Variants in GRIP1 observed in about 807,000 individuals in gnomAD.
The protein encoded by GRIP1 is glutamate receptor-interacting protein 1.
In GRIP1, 45 loss-of-function variants were observed where a neutral mutation model predicts 129.9. The ratio of observed to expected loss-of-function variants is 0.35; its 90% CI spans 0.27 to 0.44. The LOEUF (loss-of-function observed/expected upper bound fraction) is 0.44, where lower values mean the gene tolerates loss of function less well. Ranked by LOEUF, GRIP1 falls within the 20% of genes least tolerant of loss-of-function variation. The probability of loss-of-function intolerance (pLI) is 1.00; values close to 1 mark genes in which losing one functional copy is unlikely to be tolerated. For missense variants in GRIP1, 1,196 were observed against 1,396.8 expected (o/e 0.86, Z 2.29); for synonymous variants, 530 against 520.8 (o/e 1.02, Z -0.24).
chr12:66,712,900 T>C (rs990751026), intron 1 of GRIP1, among the ~76,000 whole-genome samples: 5 of 152,014 alleles, frequency 3.3e-5, no homozygotes, highest in Non-Finnish European at 5.9e-5. Context: ...GGTGAACTCA[T>C]TGAGGGCAGG....
intron 1 of GRIP1, among the ~76,000 whole-genome samples, chr12:66,669,160 C>T (rs1016486398): frequency 1.3e-5 from 2 of 152,120 alleles, no homozygotes; most frequent in Non-Finnish European, 2.9e-5. Context: ...CACCTGTAAT[C>T]CCAGCACTTT....
intron 1 of GRIP1, among the ~76,000 whole-genome samples, chr12:66,842,230 T>C (rs1265778077): frequency 6.6e-6 from 1 of 152,174 alleles, no homozygotes; most frequent in Admixed American, 6.5e-5. Flanking sequence ...AGTTCTCTTC[T>C]ATACGTAACT....
intron 7 of GRIP1, among the ~76,000 whole-genome samples, chr12:66,506,547 A>G (rs942224185): frequency 6.6e-6 from 1 of 152,198 alleles, no homozygotes; most frequent in African/African-American, 2.4e-5. Flanking sequence ...ATGGGAGAAA[A>G]CACAATGGGG....
intron 2 of GRIP1, among the ~76,000 whole-genome samples, chr12:66,584,558 T>G (rs2063539824): frequency 6.6e-6 from 1 of 151,744 alleles, no homozygotes; most frequent in Non-Finnish European, 1.5e-5. Flanking sequence ...GGGAAATAAA[T>G]AAAATAAAAT....
At chr12:66,848,957 C>T (rs781127916) in intron 1 of GRIP1, among the ~76,000 whole-genome samples, 3 of 152,110 alleles carry the variant, frequency 2.0e-5, no homozygotes, top group Non-Finnish European at 4.4e-5. Flanking sequence ...GTCTCTGAAA[C>T]TTTCTAGGCC....
intron 1 of GRIP1, among the ~76,000 whole-genome samples, chr12:66,663,159 TTA>T (rs369641855): frequency 7.3e-4 from 111 of 152,338 alleles, no homozygotes; most frequent in African/African-American, 2.7e-3. Flanking sequence ...CTATCATTCT[TTA>T]TGTCATTGTT....
In GRIP1 at chr12:66,515,603, C is replaced by A. The variant is rs1413614585; in HGVS notation, c.724+16G>T. On this transcript the variant is annotated intron_variant, in intron 7 of 24. Coordinates refer to ENST00000359742, the MANE Select transcript of GRIP1 (RefSeq NM_001366722.1). Reference sequence around the variant, plus strand: ...TTCTGGTGCTTAGAGATCACACCCTCAGGACCCCAACATACCCATTACTGA... The same window carrying A: ...TTCTGGTGCTTAGAGATCACACCCTAAGGACCCCAACATACCCATTACTGA... 6.2e-7 allele frequency: 1 copy of A among 1,610,518 alleles called. No homozygotes were observed. Among genetic ancestry groups the A allele is most frequent in the Admixed American group, 1.7e-5 (1 of 59,974 alleles).
intron 1 of GRIP1, among the ~76,000 whole-genome samples, chr12:66,825,353 T>G (rs963724214): frequency 1.3e-5 from 2 of 152,150 alleles, no homozygotes; most frequent in South Asian, 4.1e-4. Flanking sequence ...GCATGAGAGG[T>G]TAAATACAAA....
intron 1 of GRIP1, among the ~76,000 whole-genome samples, chr12:67,004,657 G>GA (rs2042601365): frequency 6.6e-6 from 1 of 151,606 alleles, no homozygotes; most frequent in South Asian, 2.1e-4. Context: ...AAAGAGGAGT[G>GA]AAAAAAATAA....
intron 1 of GRIP1, among the ~76,000 whole-genome samples, chr12:66,892,957 C>T (rs148006872): frequency 1.0e-3 from 157 of 152,226 alleles, no homozygotes; most frequent in African/African-American, 3.3e-3. Context: ...TAGAGCAAGA[C>T]GCTGCCTCAT....
chr12:66,581,549 G>A lies in GRIP1; in HGVS notation c.136+15298C>T, dbSNP rs370700907. 3.3e-4 allele frequency among the ~76,000 whole-genome samples: 49 copies of A among 146,646 alleles called. 1 individual carries two copies. The East Asian group carries it at 5.8e-3, about 17-fold the overall frequency. On this transcript the variant is annotated intron_variant, in intron 2 of 24. Coordinates refer to ENST00000359742, the MANE Select transcript of GRIP1 (RefSeq NM_001366722.1). ...AAAAAGAGAGAAGAATCAAATAGAT[G>A]CAATAAAAAATGATAAAGGGGATAT...
intron 1 of GRIP1, among the ~76,000 whole-genome samples, chr12:66,997,828 T>C (rs1183158001): frequency 6.6e-6 from 1 of 152,176 alleles, no homozygotes; most frequent in Non-Finnish European, 1.5e-5. Context: ...GATAAAAACC[T>C]AGGTATCTAT....
chr12:66,564,857 T>C (rs2062688657), intron 2 of GRIP1, among the ~76,000 whole-genome samples: 3 of 152,244 alleles, frequency 2.0e-5, no homozygotes, highest in African/African-American at 7.2e-5. Flanking sequence ...TGGTTTTGAT[T>C]TGCACTTCTC....
At chr12:66,828,611 C>A (rs2039459434) in intron 1 of GRIP1, among the ~76,000 whole-genome samples, 1 of 151,758 alleles carries the variant, frequency 6.6e-6, no homozygotes, top group Admixed American at 6.6e-5. Context: ...TACGATTTAC[C>A]CTCATCATTT....
chr12:66,868,952 C>T (rs975180757), intron 1 of GRIP1, among the ~76,000 whole-genome samples: 1 of 152,060 alleles, frequency 6.6e-6, no homozygotes, highest in African/African-American at 2.4e-5. Context: ...AATTCTAACA[C>T]AGAATATGGC....
upstream of GRIP1, among the ~76,000 whole-genome samples, chr12:66,806,206 A>T (rs1270643664): frequency 6.6e-6 from 1 of 152,182 alleles, no homozygotes; most frequent in Non-Finnish European, 1.5e-5. Context: ...AAAAGGTTCA[A>T]TGGTGTTTTA....
chr12:66,646,510 G>C (rs528377117), intron 1 of GRIP1, among the ~76,000 whole-genome samples: 10 of 152,198 alleles, frequency 6.6e-5, no homozygotes, highest in African/African-American at 2.2e-4. Flanking sequence ...TGCAGTCCCA[G>C]TGACTTGGGA....
intron 1 of GRIP1, among the ~76,000 whole-genome samples, chr12:66,911,255 G>A (rs929730389): frequency 6.6e-6 from 1 of 152,206 alleles, no homozygotes; most frequent in Admixed American, 6.5e-5. Flanking sequence ...CCACTGGGGG[G>A]AAATTCTACA....
At chr12:66,820,966 T>A (rs2039306636) in intron 1 of GRIP1, among the ~76,000 whole-genome samples, 1 of 152,160 alleles carries the variant, frequency 6.6e-6, no homozygotes, top group South Asian at 2.1e-4. Context: ...CTATAGAACA[T>A]ACAACACCAA....
Sources: gnomAD v4.1 joint callset for allele counts (sites outside exome capture counted in the v4.1 genomes callset) on GRCh38, gnomAD v4.1.1 for gene constraint, MANE v1.5 for transcripts, NCBI Gene and HGNC (gene_info 2026-07-23, HGNC 2026-07-21) for gene names.